Variants in EIF4G3 observed in about 807,000 individuals in gnomAD.
The protein encoded by EIF4G3 is eukaryotic translation initiation factor 4 gamma 3.
A neutral mutation model predicts 186.4 loss-of-function variants in EIF4G3; 34 were observed. The ratio of observed to expected loss-of-function variants is 0.18; its 90% CI spans 0.14 to 0.24. EIF4G3 has a LOEUF of 0.24. EIF4G3 is among the 10% of genes least tolerant of loss of function. The probability of loss-of-function intolerance (pLI) is 1.00; values close to 1 mark genes in which losing one functional copy is unlikely to be tolerated. For missense variants in EIF4G3, 1,536 were observed against 1,948.5 expected (o/e 0.79, Z 3.99); for synonymous variants, 673 against 679.5 (o/e 0.99, Z 0.15).
chr1:20,834,574 G>A (rs1227092989), intron 30 of EIF4G3, among the ~76,000 whole-genome samples: 1 of 152,196 alleles, frequency 6.6e-6, no homozygotes, highest in Non-Finnish European at 1.5e-5. Context: ...GAAATCAAAA[G>A]AGGGCAGGGG....
chr1:20,945,933 T>C (rs1041447648), intron 13 of EIF4G3, among the ~76,000 whole-genome samples: 6 of 152,232 alleles, frequency 3.9e-5, no homozygotes, highest in Non-Finnish European at 8.8e-5. Context: ...ATCAGACACA[T>C]ACTTTTTCAT....
chr1:21,015,258 G>A (rs1301579177), intron 4 of EIF4G3, among the ~76,000 whole-genome samples: 1 of 151,796 alleles, frequency 6.6e-6, no homozygotes, highest in Non-Finnish European at 1.5e-5. Context: ...ATAAAGAAAA[G>A]GTAACAGAAC....
At chr1:20,962,550 T>G (rs1232663405) in intron 12 of EIF4G3, among the ~76,000 whole-genome samples, 1 of 152,186 alleles carries the variant, frequency 6.6e-6, no homozygotes, top group Non-Finnish European at 1.5e-5. Context: ...ATCAAGCAAC[T>G]CAACTTTTTC....
chr1:20,999,408 G>A (rs2082998251), intron 6 of EIF4G3: 1 of 330,582 alleles, frequency 3.0e-6, no homozygotes, highest in Non-Finnish European at 6.0e-6. Flanking sequence ...AGTAGGGAGT[G>A]GAGTGAAATG....
intron 15 of EIF4G3, among the ~76,000 whole-genome samples, chr1:20,902,838 G>A (rs1480832808): frequency 5.9e-5 from 9 of 151,966 alleles, no homozygotes; most frequent in African/African-American, 9.7e-5. Context: ...ATGGGGTTTC[G>A]TCATGTTGGC....
At chr1:21,092,860 T>A (rs2096248705) in intron 2 of EIF4G3, among the ~76,000 whole-genome samples, 1 of 152,202 alleles carries the variant, frequency 6.6e-6, no homozygotes, top group African/African-American at 2.4e-5. Flanking sequence ...AAAGATTCCC[T>A]ATTTAATAAA....
At position 21,075,218 on chromosome 1, in the gene EIF4G3, T is replaced by C. The variant is rs190118624; in HGVS notation, c.-196+13920A>G. ...AATTTCCCAATTAAAAAATATAGACTGGCTGGATTAAAAAACATTACACAC... is the reference window on the plus strand; with the variant it reads ...AATTTCCCAATTAAAAAATATAGACCGGCTGGATTAAAAAACATTACACAC... On this transcript the variant is annotated intron_variant, in intron 3 of 36. Transcript: ENST00000602326. 4.5e-4 allele frequency among the ~76,000 whole-genome samples: 68 copies of C among 152,232 alleles called. No individual in the cohort carries two copies. In the East Asian group the frequency reaches 6.0e-3, roughly 13 times the overall value.
chr1:21,040,889 A>T (rs2093533456), intron 4 of EIF4G3, among the ~76,000 whole-genome samples: 1 of 152,116 alleles, frequency 6.6e-6, no homozygotes, highest in African/African-American at 2.4e-5. Flanking sequence ...TAGACTGCTG[A>T]GTGTTCAAAC....
intron 14 of EIF4G3, among the ~76,000 whole-genome samples, chr1:20,925,359 C>T (rs1025335744): frequency 1.3e-5 from 2 of 152,090 alleles, no homozygotes; most frequent in Non-Finnish European, 2.9e-5. Flanking sequence ...TCACTCAAAT[C>T]TTATTTGAAT....
At chr1:21,078,967 G>A (rs2095676826) in intron 3 of EIF4G3, among the ~76,000 whole-genome samples, 1 of 152,174 alleles carries the variant, frequency 6.6e-6, no homozygotes. Flanking sequence ...CCTGGGCAAC[G>A]CAGTGAGACT....
At chr1:20,950,425 G>C (rs957980672) in intron 12 of EIF4G3, among the ~76,000 whole-genome samples, 1 of 152,072 alleles carries the variant, frequency 6.6e-6, no homozygotes, top group African/African-American at 2.4e-5. Flanking sequence ...AAGCCGACTT[G>C]TCAACCTAAC....
intron 14 of EIF4G3, among the ~76,000 whole-genome samples, chr1:20,919,727 T>C (rs1371154060): frequency 6.6e-6 from 1 of 152,212 alleles, no homozygotes; most frequent in African/African-American, 2.4e-5. Context: ...TCTGGCATGT[T>C]TCTCCTCAGC....
intron 4 of EIF4G3, among the ~76,000 whole-genome samples, chr1:21,020,324 C>A (rs2090375256): frequency 1.3e-5 from 2 of 151,584 alleles, no homozygotes; most frequent in African/African-American, 2.4e-5. Flanking sequence ...TCCGTCTCTA[C>A]AAAAAAAATT....
chr1:21,074,518 G>C (rs1253238509), intron 3 of EIF4G3, among the ~76,000 whole-genome samples: 3 of 152,026 alleles, frequency 2.0e-5, no homozygotes, highest in Non-Finnish European at 4.4e-5. Context: ...ATTCATAAAT[G>C]CTACTGGAGA....
rs141814192 is a variant in EIF4G3, at chr1:21,167,540, C to G, written c.-272+8635G>C. Among the ~76,000 whole-genome samples, 835 of 152,136 alleles carry G rather than the reference C, an allele frequency of 5.5e-3. 8 individuals are homozygous for G. The highest frequency in any genetic ancestry group is 0.019 in the African/African-American group (804 of 41,518). On this transcript the variant is annotated intron_variant, in intron 2 of 36. Coordinates refer to ENST00000602326, the MANE Select transcript of EIF4G3 (RefSeq NM_001391906.1). Reference sequence around the variant, plus strand: ...TCTGTAATCCCAGTACTTTGGAAGGCCAAGGTCAGGAGTTCAAGACCAGCC... The same window carrying G: ...TCTGTAATCCCAGTACTTTGGAAGGGCAAGGTCAGGAGTTCAAGACCAGCC...
intron 35 of EIF4G3, among the ~76,000 whole-genome samples, chr1:20,812,580 A>C (rs1219381255): frequency 6.6e-6 from 1 of 152,212 alleles, no homozygotes; most frequent in Non-Finnish European, 1.5e-5. Context: ...CTGAAACTAA[A>C]GAGATGTCTT....
At chr1:20,998,795 A>G (rs1018367603) in intron 6 of EIF4G3, 1 of 413,210 alleles carries the variant, frequency 2.4e-6, no homozygotes, top group Non-Finnish European at 4.8e-6. Flanking sequence ...CTTTAATAGT[A>G]AAAGAAAATA....
chr1:21,023,251 CCCCCCT>C (rs1481151660), intron 4 of EIF4G3, among the ~76,000 whole-genome samples: 4 of 102,594 alleles, frequency 3.9e-5, no homozygotes, highest in Admixed American at 2.0e-4. Context: ...CCTCCCCCTC[CCCCCCT>C]CCCCCTCCCT....
At chr1:21,147,652 A>T (rs1308247268) in intron 2 of EIF4G3, among the ~76,000 whole-genome samples, 6 of 152,116 alleles carry the variant, frequency 3.9e-5, no homozygotes, top group African/African-American at 1.4e-4. Context: ...TTGAACCTAA[A>T]CCAAAATCTC....
Sources: allele counts gnomAD v4.1 joint callset (sites outside exome capture counted in the v4.1 genomes callset), GRCh38; gene constraint gnomAD v4.1.1; transcripts MANE v1.5; gene names NCBI Gene and HGNC (gene_info 2026-07-23, HGNC 2026-07-21).